STPG2: variants seen among roughly 807,000 people sequenced by gnomAD.
The protein encoded by STPG2 is sperm tail PG-rich repeat containing 2, also known as sperm-tail PG-rich repeat-containing protein 2.
STPG2 carries 56 observed loss-of-function variants against 54.2 expected under a neutral mutation model. The observed-to-expected ratio is 1.03, with a 90% confidence interval of 0.83 to 1.29. STPG2 has a LOEUF of 1.29. Among genes scored for constraint, STPG2 ranks in the 50% most tolerant of loss-of-function variants. The pLI, the probability that STPG2 is intolerant of heterozygous loss-of-function variation, is 0.00. For synonymous variants in STPG2, 200 were observed against 181.8 expected (o/e 1.10, Z -0.81); for missense variants, 596 against 544.9 (o/e 1.09, Z -0.93).
chr4:97,690,685 C>T (rs1407287724), intron 10 of STPG2, among the ~76,000 whole-genome samples: 1 of 152,078 alleles, frequency 6.6e-6, no homozygotes, highest in Non-Finnish European at 1.5e-5. Flanking sequence ...AATATAGGTG[C>T]TATTCATTTA....
At chr4:98,119,805 AT>A (rs1488492673) in intron 3 of STPG2, among the ~76,000 whole-genome samples, 6 of 151,602 alleles carry the variant, frequency 4.0e-5, no homozygotes, top group African/African-American at 1.5e-4. Flanking sequence ...TGCTCTCATC[AT>A]TTAGCTCCCA....
intron 4 of STPG2, among the ~76,000 whole-genome samples, chr4:97,513,382 G>C (rs1232566653): frequency 2.0e-5 from 3 of 151,996 alleles, no homozygotes; most frequent in Non-Finnish European, 4.4e-5. Context: ...TTGGTCATTG[G>C]TGATCAACTC....
intron 9 of STPG2, among the ~76,000 whole-genome samples, chr4:97,825,163 T>C (rs928442924): frequency 3.3e-5 from 5 of 152,160 alleles, no homozygotes; most frequent in Non-Finnish European, 5.9e-5. Flanking sequence ...GAAAAACTTC[T>C]CTTTTCCTCA....
intron 10 of STPG2, among the ~76,000 whole-genome samples, chr4:97,564,541 C>A (rs1168882168): frequency 6.6e-6 from 1 of 152,288 alleles, no homozygotes; most frequent in East Asian, 1.9e-4. Flanking sequence ...ATGGTCTTTA[C>A]AATTTGGCAT....
intron 5 of STPG2, among the ~76,000 whole-genome samples, chr4:98,006,177 G>A (rs1175814378): frequency 2.0e-5 from 3 of 152,112 alleles, no homozygotes; most frequent in South Asian, 4.1e-4. Flanking sequence ...AAAAGTAAAG[G>A]ACACTTTACA....
At chr4:97,624,955 T>A in intron 10 of STPG2, among the ~76,000 whole-genome samples, 1 of 152,146 alleles carries the variant, frequency 6.6e-6, no homozygotes, top group East Asian at 1.9e-4. Flanking sequence ...ATGATCCTAA[T>A]CCAACAGGAC....
At chr4:98,013,388 G>C (rs953934631) in intron 5 of STPG2, among the ~76,000 whole-genome samples, 8 of 152,124 alleles carry the variant, frequency 5.3e-5, no homozygotes, top group African/African-American at 1.9e-4. Flanking sequence ...TGTTCTTCAA[G>C]GACATTGGCC....
chr4:97,723,807 G>A (rs1340458351), intron 9 of STPG2, among the ~76,000 whole-genome samples: 2 of 152,174 alleles, frequency 1.3e-5, no homozygotes, highest in African/African-American at 2.4e-5. Flanking sequence ...AGCATGAAGA[G>A]GGAAGTGCCA....
At chr4:97,458,928 C>A (rs546754721) in intron 4 of STPG2, among the ~76,000 whole-genome samples, 1 of 151,842 alleles carries the variant, frequency 6.6e-6, no homozygotes, top group African/African-American at 2.4e-5. Flanking sequence ...ATTATCAGGG[C>A]AATTAGCAAA....
chr4:98,136,697 C>G (rs889629057), intron 1 of STPG2, among the ~76,000 whole-genome samples: 1 of 151,656 alleles, frequency 6.6e-6, no homozygotes, highest in African/African-American at 2.4e-5. Context: ...AAATGTACAA[C>G]CACAATAGGA....
chr4:97,894,927 A>T (rs1481027189), intron 8 of STPG2, among the ~76,000 whole-genome samples: 2 of 151,922 alleles, frequency 1.3e-5, no homozygotes. Flanking sequence ...AATTAGCAAG[A>T]ATATTTGATC....
chr4:97,862,908 G>A (rs949389676), intron 8 of STPG2, among the ~76,000 whole-genome samples: 1 of 152,124 alleles, frequency 6.6e-6, no homozygotes, highest in Admixed American at 6.6e-5. Context: ...CAAGAACAAA[G>A]ACACAACATA....
intron 3 of STPG2, among the ~76,000 whole-genome samples, chr4:98,119,545 CATA>C (rs1165616316): frequency 1.3e-5 from 2 of 151,558 alleles, no homozygotes; most frequent in Admixed American, 6.6e-5. Context: ...CAATATTTTT[CATA>C]ATAATGAATG....
chr4:97,582,696 T>C (rs1578404433), intron 10 of STPG2, among the ~76,000 whole-genome samples: 1 of 151,998 alleles, frequency 6.6e-6, no homozygotes, highest in African/African-American at 2.4e-5. Context: ...ATAAGTAAAT[T>C]TGTGGCACAA....
intron 8 of STPG2, among the ~76,000 whole-genome samples, chr4:97,890,472 T>A (rs1730725890): frequency 1.3e-5 from 2 of 151,858 alleles, no homozygotes; most frequent in Non-Finnish European, 2.9e-5. Context: ...AAAAATTATT[T>A]AATTATTATT....
chr4:97,913,987 A>C (rs1256507761), intron 8 of STPG2, among the ~76,000 whole-genome samples: 1 of 152,206 alleles, frequency 6.6e-6, no homozygotes, highest in Non-Finnish European at 1.5e-5. Flanking sequence ...TCAAGCTCAA[A>C]TCAAAGCTGT....
At chr4:97,967,185 CAAAAAAAAA>C (rs58042990) in intron 7 of STPG2, among the ~76,000 whole-genome samples, 1 of 107,198 alleles carries the variant, frequency 9.3e-6, no homozygotes, top group South Asian at 3.3e-4. Context: ...AAATGGTAAG[CAAAAAAAAA>C]AAAAAAAAAG....
At chr4:97,452,811 C>A (rs1232081717) in intron 4 of STPG2, among the ~76,000 whole-genome samples, 1 of 152,160 alleles carries the variant, frequency 6.6e-6, no homozygotes, top group Non-Finnish European at 1.5e-5. Context: ...ACTTCCCACT[C>A]CAGGGTCTTC....
chr4:97,443,752 C>G (rs1186580001), intron 4 of STPG2, among the ~76,000 whole-genome samples: 4 of 151,970 alleles, frequency 2.6e-5, no homozygotes, highest in Admixed American at 2.0e-4. Context: ...AAATATGAGA[C>G]AAAACATCAA....
Sources: allele counts gnomAD v4.1 joint callset (sites outside exome capture counted in the v4.1 genomes callset), GRCh38; gene constraint gnomAD v4.1.1; transcripts MANE v1.5; gene names NCBI Gene and HGNC (gene_info 2026-07-23, HGNC 2026-07-21).